PCDHA13: variants seen among roughly 807,000 people sequenced by gnomAD.
PCDHA13 encodes the protein protocadherin alpha 13, also known as protocadherin alpha-13.
A neutral mutation model predicts 64.8 loss-of-function variants in PCDHA13; 54 were observed. The observed-to-expected ratio is 0.83, with a 90% CI of 0.67 to 1.04. The LOEUF (loss-of-function observed/expected upper bound fraction) is 1.04, where lower values mean the gene tolerates loss of function less well. Among genes scored for constraint, PCDHA13 ranks in the 50% least tolerant of loss-of-function variants. The pLI is 0.00. For missense variants in PCDHA13, 1,248 were observed against 1,254.3 expected (o/e 0.99, Z 0.08); for synonymous variants, 587 against 564.4 (o/e 1.04, Z -0.57).
chr5:140,999,332 T>TTATAA (rs1554256746), intron 3 of PCDHA13, among the ~76,000 whole-genome samples: 1 of 152,222 alleles, frequency 6.6e-6, no homozygotes, highest in Non-Finnish European at 1.5e-5. Flanking sequence ...TCTGTGTGAT[T>TTATAA]TATAAGCCTT....
chr5:140,890,990 A>T (rs782516672), intron 1 of PCDHA13, among the ~76,000 whole-genome samples: 1 of 152,142 alleles, frequency 6.6e-6, no homozygotes, highest in African/African-American at 2.4e-5. Flanking sequence ...TCTTTATTTC[A>T]TCATAATTAT....
intron 3 of PCDHA13, among the ~76,000 whole-genome samples, chr5:140,992,500 A>C (rs1205902091): frequency 6.6e-6 from 1 of 152,222 alleles, no homozygotes; most frequent in Non-Finnish European, 1.5e-5. Context: ...GTAAGGATTC[A>C]ATCCTGGGGC....
At chr5:140,948,027 G>T (rs530195389) in intron 1 of PCDHA13, among the ~76,000 whole-genome samples, 1 of 151,544 alleles carries the variant, frequency 6.6e-6, no homozygotes, top group Non-Finnish European at 1.5e-5. Flanking sequence ...TTTCTGGTTT[G>T]CTCAGAGTTT....
At position 141,010,114 on chromosome 5, in the gene PCDHA13, G is replaced by A. The variant is rs2098416092; in HGVS notation, c.*177G>A. Reference sequence around the variant, plus strand: ...GCATTTAACAGGTTTTGTCGTAAAAGCTTTACTAAGTCTGGTGTTAACTCT... The same window carrying A: ...GCATTTAACAGGTTTTGTCGTAAAAACTTTACTAAGTCTGGTGTTAACTCT... On this transcript the variant is annotated 3_prime_UTR_variant, in exon 4 of 4. Transcript: ENST00000289272. The A allele has an allele frequency of 1.2e-6, 2 of 1,609,716 alleles. No homozygotes were observed. Among genetic ancestry groups the A allele is most frequent in the Non-Finnish European group, 1.7e-6 (2 of 1,177,682 alleles).
At chr5:140,983,931 G>A (rs1398681067) in intron 3 of PCDHA13, among the ~76,000 whole-genome samples, 1 of 152,190 alleles carries the variant, frequency 6.6e-6, no homozygotes, top group Non-Finnish European at 1.5e-5. Context: ...GCTATTTATG[G>A]ATGTTGCACA....
At chr5:140,961,345 C>T (rs1440791542) in intron 1 of PCDHA13, among the ~76,000 whole-genome samples, 1 of 152,136 alleles carries the variant, frequency 6.6e-6, no homozygotes, top group Non-Finnish European at 1.5e-5. Context: ...AGAGTGGATC[C>T]CTGTAGTCCC....
chr5:140,953,553 C>T (rs1364050066), intron 1 of PCDHA13, among the ~76,000 whole-genome samples: 1 of 152,060 alleles, frequency 6.6e-6, no homozygotes, highest in East Asian at 1.9e-4. Flanking sequence ...TTCTTTTCTC[C>T]AAGTTTTAGT....
chr5:140,928,698 G>A, intron 1 of PCDHA13: 1 of 1,614,148 alleles, frequency 6.2e-7, no homozygotes, highest in East Asian at 2.2e-5. Context: ...ACATCTCCCG[G>A]GCGTCTGACT....
chr5:140,984,505 TGATGCATGAGTCACA>T (rs2097106604), intron 3 of PCDHA13, among the ~76,000 whole-genome samples: 1 of 152,206 alleles, frequency 6.6e-6, no homozygotes, highest in African/African-American at 2.4e-5. Context: ...GCCTGGCTGC[TGATGCATGAGTCACA>T]GTCTTCATGG....
chr5:140,917,131 G>A (rs572644426), intron 1 of PCDHA13, among the ~76,000 whole-genome samples: 28 of 152,190 alleles, frequency 1.8e-4, no homozygotes, highest in African/African-American at 5.8e-4. Context: ...GACTCCCCAC[G>A]TTGCTCAGCT....
At chr5:140,923,151 T>A (rs1239888412) in intron 1 of PCDHA13, among the ~76,000 whole-genome samples, 3 of 152,108 alleles carry the variant, frequency 2.0e-5, no homozygotes, top group Non-Finnish European at 4.4e-5. Context: ...ATAAAAAAAA[T>A]TATAGAAAGA....
chr5:140,883,519 C>G lies in PCDHA13; in HGVS notation c.1251C>G (p.Ser417Arg). The G allele has an allele frequency of 6.2e-7, 1 of 1,614,190 alleles. No individual in the cohort carries two copies. The highest frequency in any genetic ancestry group is 1.1e-5 in the South Asian group (1 of 91,084). Residue 417 changes from serine (S) to arginine (R), a missense_variant, in exon 1 of 4, where the codon AGC becomes AGG. Physicochemically the swap from Ser to Arg is moderately radical, Grantham distance 110. Coordinates refer to ENST00000289272, the MANE Select transcript of PCDHA13 (RefSeq NM_018904.3). ...LVLDSALDRESVSAYELVVTA... is the reference protein window; with the variant it reads ...LVLDSALDRERVSAYELVVTA... ...TGGACAGCGCCCTGGACCGCGAGAG[C>G]GTATCAGCCTATGAACTGGTGGTGA...
chr5:140,915,283 C>T (rs1395177735), intron 1 of PCDHA13, among the ~76,000 whole-genome samples: 1 of 152,068 alleles, frequency 6.6e-6, no homozygotes, highest in African/African-American at 2.4e-5. Context: ...ATCATTTACT[C>T]TTTCTACTTA....
At chr5:140,976,871 A>G (rs2096735171) in intron 1 of PCDHA13, among the ~76,000 whole-genome samples, 2 of 152,224 alleles carry the variant, frequency 1.3e-5, no homozygotes, top group Non-Finnish European at 2.9e-5. Flanking sequence ...TGTCTGACAA[A>G]GAAAGAATTA....
intron 3 of PCDHA13, among the ~76,000 whole-genome samples, chr5:141,007,395 C>CAAAAAAAAAAAA (rs35800918): frequency 6.3e-5 from 6 of 94,866 alleles, no homozygotes; most frequent in Admixed American, 1.2e-4. Flanking sequence ...TACTAAAATA[C>CAAAAAAAAAAAA]AAAAAAAAAA....
chr5:140,900,768 T>A (rs1554189412), intron 1 of PCDHA13, among the ~76,000 whole-genome samples: 2 of 152,192 alleles, frequency 1.3e-5, no homozygotes, highest in Non-Finnish European at 1.5e-5. Context: ...TATTTTTGGC[T>A]TTTTGAGGAA....
chr5:140,911,953 G>T (rs1554195050), intron 1 of PCDHA13, among the ~76,000 whole-genome samples: 1 of 152,094 alleles, frequency 6.6e-6, no homozygotes, highest in Non-Finnish European at 1.5e-5. Context: ...TAAAGGGGAG[G>T]TTACTAAGGA....
At chr5:140,941,506 G>A (rs556309408) in intron 1 of PCDHA13, among the ~76,000 whole-genome samples, 3 of 151,236 alleles carry the variant, frequency 2.0e-5, no homozygotes, top group Non-Finnish European at 4.4e-5. Flanking sequence ...TAGTAGAGAC[G>A]AGGTTTCACC....
chr5:141,008,286 A>G (rs944894226), intron 3 of PCDHA13, among the ~76,000 whole-genome samples: 1 of 152,248 alleles, frequency 6.6e-6, no homozygotes, highest in Admixed American at 6.5e-5. Flanking sequence ...TTGAAATAGC[A>G]GTTGTACCCA....
Sources: allele counts gnomAD v4.1 joint callset (sites outside exome capture counted in the v4.1 genomes callset), GRCh38; gene constraint gnomAD v4.1.1; transcripts MANE v1.5; gene names NCBI Gene and HGNC (gene_info 2026-07-23, HGNC 2026-07-21).